Variants in JMY observed in about 807,000 individuals in gnomAD.
JMY encodes junction mediating and regulatory protein, p53 cofactor, also known as junction-mediating and -regulatory protein.
Under a neutral mutation model 103.3 loss-of-function variants are expected in JMY, and 46 were observed. The ratio of observed to expected loss-of-function variants is 0.45; its 90% CI spans 0.35 to 0.57. The LOEUF (loss-of-function observed/expected upper bound fraction) is 0.57. Among genes scored for constraint, JMY ranks in the 20% least tolerant of loss-of-function variants. The pLI is 0.00. For synonymous variants in JMY, 526 were observed against 489.3 expected (o/e 1.07, Z -0.99); for missense variants, 1,238 against 1,255.2 (o/e 0.99, Z 0.21).
chr5:79,253,630 A>G (rs181760750), intron 1 of JMY, among the ~76,000 whole-genome samples: 531 of 152,304 alleles, frequency 3.5e-3, no homozygotes, highest in South Asian at 6.8e-3. Flanking sequence ...AGTAGCTTAC[A>G]CACCACAGTT....
At chr5:79,252,027 C>G (rs1036829067) in intron 1 of JMY, among the ~76,000 whole-genome samples, 4 of 152,018 alleles carry the variant, frequency 2.6e-5, no homozygotes, top group Non-Finnish European at 5.9e-5. Context: ...CTGCCTGCCT[C>G]GGCCTCTCAA....
Position 79,290,166 on chromosome 5 carries a change from C to A in JMY, c.1252C>A (p.Leu418Ile). 1 of 1,596,006 alleles carries A rather than the reference C, an allele frequency of 6.3e-7. No individual in the cohort carries two copies. Among genetic ancestry groups the A allele is most frequent in the Non-Finnish European group, 8.5e-7 (1 of 1,170,084 alleles). The stretch of plus-strand genomic sequence containing the variant: ...TCTGGGACCTCGAAGAATTGAGAGT[C>A]TACAAAAAGAAGATGCTGATTGGCA... Reference protein sequence around the residue: ...DYLGPRRIESLQKEDADWQRK... With the variant: ...DYLGPRRIESIQKEDADWQRK... The change falls in exon 3 of 11, where the codon CTA (leucine) becomes ATA (isoleucine). Residue 418 changes from leucine to isoleucine, a missense_variant. Transcript: ENST00000396137.
At chr5:79,279,996 A>C (rs986389643) in intron 2 of JMY, among the ~76,000 whole-genome samples, 1 of 152,110 alleles carries the variant, frequency 6.6e-6, no homozygotes, top group Non-Finnish European at 1.5e-5. Flanking sequence ...GGCGCATGCC[A>C]CCACGCCCAG....
chr5:79,305,984 A>AG (rs1481568429), intron 6 of JMY, among the ~76,000 whole-genome samples: 2 of 152,232 alleles, frequency 1.3e-5, no homozygotes, highest in Admixed American at 6.5e-5. Flanking sequence ...ACTTGAGGCC[A>AG]GGAGTTCAAG....
chr5:79,286,691 T>G (rs2112094404), intron 2 of JMY, among the ~76,000 whole-genome samples: 1 of 151,996 alleles, frequency 6.6e-6, no homozygotes, highest in African/African-American at 2.4e-5. Flanking sequence ...TTTCGATAAA[T>G]GGTACATGGA....
chr5:79,310,041 G>C (rs907576021), intron 7 of JMY, among the ~76,000 whole-genome samples: 2 of 137,788 alleles, frequency 1.5e-5, no homozygotes, highest in South Asian at 4.6e-4. Context: ...TTAGTAAATC[G>C]ATTATCTTTC....
At chr5:79,256,456 G>C (rs1243756012) in intron 1 of JMY, among the ~76,000 whole-genome samples, 1 of 152,066 alleles carries the variant, frequency 6.6e-6, no homozygotes. Context: ...CTAACCTGGT[G>C]CCAGGAATCA....
chr5:79,274,013 T>A (rs537064098), intron 1 of JMY, among the ~76,000 whole-genome samples: 4 of 152,178 alleles, frequency 2.6e-5, no homozygotes, highest in African/African-American at 9.6e-5. Flanking sequence ...GTATTTTTAG[T>A]AGAGATGGGG....
At chr5:79,308,994 C>T (rs1389291421) in intron 7 of JMY, among the ~76,000 whole-genome samples, 1 of 151,956 alleles carries the variant, frequency 6.6e-6, no homozygotes, top group Non-Finnish European at 1.5e-5. Context: ...TTGAAAACTC[C>T]AGTTGTTCAT....
chr5:79,271,378 T>G (rs934086001), intron 1 of JMY, among the ~76,000 whole-genome samples: 6 of 152,134 alleles, frequency 3.9e-5, no homozygotes, highest in African/African-American at 1.4e-4. Flanking sequence ...GCTGTTAGGC[T>G]AAACCTGGCC....
intron 1 of JMY, 91 bp downstream of exon 1, chr5:79,237,773 C>A: frequency 1.7e-6 from 2 of 1,144,848 alleles, no homozygotes; most frequent in Non-Finnish European, 2.5e-6. Flanking sequence ...CGGGTGTGCG[C>A]AGTAGGACGG....
intron 4 of JMY, among the ~76,000 whole-genome samples, chr5:79,298,977 C>T (rs1746650396): frequency 1.1e-5 from 1 of 92,822 alleles, no homozygotes. Flanking sequence ...TGTCTTTTTC[C>T]CTGTAGGTTG....
chr5:79,292,347 C>T (rs576328791), intron 4 of JMY, among the ~76,000 whole-genome samples: 1 of 152,112 alleles, frequency 6.6e-6, no homozygotes, highest in East Asian at 1.9e-4. Context: ...GTTGTTGAAA[C>T]AGTGTCTCAT....
At chr5:79,305,278 C>T (rs1027086189) in intron 6 of JMY, among the ~76,000 whole-genome samples, 1 of 151,896 alleles carries the variant, frequency 6.6e-6, no homozygotes, top group African/African-American at 2.4e-5. Flanking sequence ...GGTGAAACCC[C>T]GTCTCTACTA....
Position 79,314,741 on chromosome 5 carries a change from G to A in JMY, c.2549G>A (p.Arg850Lys). The change falls in exon 9 of 11, where the codon AGG (arginine) becomes AAG (lysine). Residue 850 changes from arginine to lysine, a missense_variant. Arg to Lys is a conservative substitution (Grantham distance 26). Coordinates refer to ENST00000396137, the MANE Select transcript of JMY (RefSeq NM_152405.5). ...CCTAGAAAGGAGGGGAATGAGAAGAGGATCCCAAAGTCAGCCAGTGCCCCC... is the reference window on the plus strand; with the variant it reads ...CCTAGAAAGGAGGGGAATGAGAAGAAGATCCCAAAGTCAGCCAGTGCCCCC... ...DLPRKEGNEKRIPKSASAPSA... is the reference protein window; with the variant it reads ...DLPRKEGNEKKIPKSASAPSA... 6.2e-7 allele frequency: 1 copy of A among 1,612,188 alleles called. No homozygotes were observed. The highest frequency in any genetic ancestry group is 1.7e-4 in the Middle Eastern group (1 of 6,058).
chr5:79,318,093 G>C (rs2131977), intron 10 of JMY, among the ~76,000 whole-genome samples: 97,060 of 151,844 alleles, frequency 0.64, 31,299 homozygotes, highest in African/African-American at 0.73. Context: ...GCTCCACCTC[G>C]TGGGTTCAAG....
chr5:79,273,000 T>G (rs899463577), intron 1 of JMY, among the ~76,000 whole-genome samples: 4 of 152,214 alleles, frequency 2.6e-5, no homozygotes, highest in Non-Finnish European at 4.4e-5. Context: ...TCTTTATGCT[T>G]TAGGTTTCAT....
intron 1 of JMY, among the ~76,000 whole-genome samples, chr5:79,247,196 G>A (rs1238466494): frequency 1.3e-5 from 2 of 152,142 alleles, no homozygotes; most frequent in African/African-American, 4.8e-5. Flanking sequence ...AAGCAATAGT[G>A]CTTAGCTGAT....
intron 1 of JMY, among the ~76,000 whole-genome samples, chr5:79,254,260 G>A (rs1745175059): frequency 1.3e-5 from 2 of 152,018 alleles, no homozygotes; most frequent in African/African-American, 4.8e-5. Flanking sequence ...CCCCAGCTTG[G>A]TAGATGACTT....
Sources: allele counts gnomAD v4.1 joint callset (sites outside exome capture counted in the v4.1 genomes callset), GRCh38; gene constraint gnomAD v4.1.1; transcripts MANE v1.5; gene names NCBI Gene and HGNC (gene_info 2026-07-23, HGNC 2026-07-21).